Variants in ZFAT observed in about 807,000 individuals in gnomAD.
ZFAT encodes the protein zinc finger protein ZFAT.
Under a neutral mutation model 117.7 loss-of-function variants are expected in ZFAT, and 64 were observed. That is an observed-to-expected ratio of 0.54 (90% confidence interval 0.44 to 0.67). The LOEUF is 0.67. Among genes scored for constraint, ZFAT ranks in the 30% least tolerant of loss-of-function variants. The probability of loss-of-function intolerance (pLI) is 0.00; values close to 1 mark genes in which losing one functional copy is unlikely to be tolerated. For synonymous variants in ZFAT, 679 were observed against 615.0 expected, an observed-to-expected ratio of 1.10 and a Z score of -1.54; for missense variants, 1,433 against 1,584.5, an observed-to-expected ratio of 0.90 and a Z score of 1.62.
chr8:134,694,082 T>C (rs545456094), intron 1 of ZFAT, among the ~76,000 whole-genome samples: 1 of 152,282 alleles, frequency 6.6e-6, no homozygotes, highest in South Asian at 2.1e-4. Context: ...ATCAATGTCC[T>C]GGAACACAAG....
At chr8:134,618,359 A>G (rs1828885964) in intron 3 of ZFAT, among the ~76,000 whole-genome samples, 1 of 152,094 alleles carries the variant, frequency 6.6e-6, no homozygotes, top group Admixed American at 6.6e-5. Context: ...CCAGCTTCCT[A>G]CCCCAGGCTG....
chr8:134,510,320 C>T (rs890307929), intron 14 of ZFAT: 6 of 379,176 alleles, frequency 1.6e-5, no homozygotes, highest in African/African-American at 6.3e-5. Flanking sequence ...TTAGTATCCC[C>T]GCCTGCTCCC....
At chr8:134,695,515 C>A (rs1586964034) in intron 1 of ZFAT, among the ~76,000 whole-genome samples, 1 of 150,842 alleles carries the variant, frequency 6.6e-6, no homozygotes, top group East Asian at 2.0e-4. Context: ...CGGCACCGCC[C>A]CCACCCCCAG....
intron 12 of ZFAT, among the ~76,000 whole-genome samples, chr8:134,528,149 A>G (rs1821153465): frequency 6.6e-6 from 1 of 152,156 alleles, no homozygotes; most frequent in African/African-American, 2.4e-5. Flanking sequence ...GACATCAAAC[A>G]TGGGAGTGGC....
chr8:134,696,552 C>G (rs1421710137), intron 1 of ZFAT: 1 of 985,992 alleles, frequency 1.0e-6, no homozygotes, highest in African/African-American at 1.7e-5. Context: ...CAGACTCCTG[C>G]ACTCTCCCAG....
At chr8:134,615,539 AC>A (rs1378788994) in intron 3 of ZFAT, among the ~76,000 whole-genome samples, 9 of 152,044 alleles carry the variant, frequency 5.9e-5, no homozygotes, top group African/African-American at 2.2e-4. Flanking sequence ...CAGGGACCCC[AC>A]TAACAAGCCC....
At chr8:134,767,536 T>C in the ZFAT span, among the ~76,000 whole-genome samples, 1 of 149,458 alleles carries the variant, frequency 6.7e-6, no homozygotes, top group Non-Finnish European at 1.5e-5. Flanking sequence ...TAGGTGTACC[T>C]ATTAAGTAGC....
At chr8:134,576,076 G>A (rs955581254) in intron 10 of ZFAT, among the ~76,000 whole-genome samples, 6 of 152,336 alleles carry the variant, frequency 3.9e-5, no homozygotes, top group East Asian at 1.9e-4. Context: ...AAAGGACAGA[G>A]CACAGCACCA....
the ZFAT span, among the ~76,000 whole-genome samples, chr8:134,790,288 T>C: frequency 6.6e-6 from 1 of 152,120 alleles, no homozygotes; most frequent in Non-Finnish European, 1.5e-5. Context: ...GAACACACCT[T>C]TTGTTAAAGT....
At chr8:134,534,380 C>A (rs980722592) in intron 11 of ZFAT, among the ~76,000 whole-genome samples, 3 of 152,198 alleles carry the variant, frequency 2.0e-5, no homozygotes, top group Non-Finnish European at 4.4e-5. Context: ...AATCTTTTCA[C>A]CACTGTTGCC....
Position 134,588,414 on chromosome 8 carries a change from G to A in ZFAT, c.2564-19C>T, listed in dbSNP as rs1461224186. 2 of 1,556,804 alleles carry A rather than the reference G, an allele frequency of 1.3e-6. No individual in the cohort carries two copies. Among genetic ancestry groups the A allele is most frequent in the South Asian group, 2.4e-5 (2 of 83,040 alleles). ...GAGACCTCTAGAAGAAAAGCAGGATGTCAAAAGGAGTCAGAGCACCTCAGG... is the reference window on the plus strand; with the variant it reads ...GAGACCTCTAGAAGAAAAGCAGGATATCAAAAGGAGTCAGAGCACCTCAGG... On this transcript the variant is annotated intron_variant, in intron 8 of 15. Coordinates refer to ENST00000377838, the MANE Select transcript of ZFAT (RefSeq NM_020863.4).
chr8:134,825,565 T>C, the ZFAT span, among the ~76,000 whole-genome samples: 247 of 152,350 alleles, frequency 1.6e-3, no homozygotes, highest in African/African-American at 5.5e-3. Flanking sequence ...TGGAGCACTC[T>C]ATCAGCGCAT....
intron 10 of ZFAT, among the ~76,000 whole-genome samples, chr8:134,575,533 C>T (rs548715322): frequency 2.0e-5 from 3 of 152,320 alleles, no homozygotes; most frequent in African/African-American, 7.2e-5. Context: ...TCGCTGACCT[C>T]CAGAGCTGCA....
intron 2 of ZFAT, among the ~76,000 whole-genome samples, chr8:134,641,584 GT>G (rs1466692868): frequency 1.3e-5 from 2 of 152,178 alleles, no homozygotes; most frequent in Non-Finnish European, 2.9e-5. Context: ...CTCCCTGATT[GT>G]TTCGATTTTT....
chr8:134,831,917 G>T, the ZFAT span, among the ~76,000 whole-genome samples: 1 of 152,022 alleles, frequency 6.6e-6, no homozygotes, highest in South Asian at 2.1e-4. Flanking sequence ...AGGGGGTCAG[G>T]CGGGGGGCTG....
chr8:134,554,944 A>T (rs143236314), intron 11 of ZFAT, among the ~76,000 whole-genome samples: 1 of 152,168 alleles, frequency 6.6e-6, no homozygotes, highest in South Asian at 2.1e-4. Context: ...CTCAACTACA[A>T]ATGAGATTTA....
At chr8:134,764,717 C>T in the ZFAT span, 3 of 152,184 alleles carry the variant, frequency 2.0e-5, no homozygotes, top group Non-Finnish European at 4.4e-5. Context: ...TTTAAATGTA[C>T]AGTATTGTAC....
chr8:134,692,552 A>G (rs1235583187), intron 1 of ZFAT, among the ~76,000 whole-genome samples: 1 of 152,236 alleles, frequency 6.6e-6, no homozygotes, highest in African/African-American at 2.4e-5. Context: ...CAGTCCTTTC[A>G]CTGAAATACG....
the ZFAT span, among the ~76,000 whole-genome samples, chr8:134,767,557 C>G: frequency 6.6e-6 from 1 of 152,156 alleles, no homozygotes; most frequent in Non-Finnish European, 1.5e-5. Flanking sequence ...ACATAACTGG[C>G]CAGGCTCAGT....
Sources: gnomAD v4.1 joint callset for allele counts (sites outside exome capture counted in the v4.1 genomes callset) on GRCh38, gnomAD v4.1.1 for gene constraint, MANE v1.5 for transcripts, NCBI Gene and HGNC (gene_info 2026-07-23, HGNC 2026-07-21) for gene names.